COL5A1: variants seen among roughly 807,000 people sequenced by gnomAD.
COL5A1 encodes collagen alpha-1(V) chain.
COL5A1 carries 16 observed loss-of-function variants against 263.7 expected under a neutral mutation model. The observed-to-expected ratio is 0.06, with a 90% CI of 0.04 to 0.09. The LOEUF (loss-of-function observed/expected upper bound fraction) is 0.09. Among genes scored for constraint, COL5A1 ranks in the 10% least tolerant of loss-of-function variants. The pLI is 1.00. For missense variants in COL5A1, 2,036 were observed against 2,540.5 expected, an observed-to-expected ratio of 0.80 and a Z score of 4.27; for synonymous variants, 1,012 against 1,004.5, an observed-to-expected ratio of 1.01 and a Z score of -0.14.
At chr9:134,838,681 C>A (rs780553530) in intron 65 of COL5A1, among the ~76,000 whole-genome samples, 4 of 152,180 alleles carry the variant, frequency 2.6e-5, no homozygotes, top group Admixed American at 6.5e-5. Flanking sequence ...ACGGGGATAC[C>A]CAGACTGCAC....
rs189006287 is a variant in COL5A1, at chr9:134,766,218, C to T, written c.2089-236C>T. On this transcript the variant is annotated intron_variant, in intron 21 of 65. Transcript: ENST00000371817. ...GTTTTCTAGAACCTGAGGCCTGCCC[C>T]GTGGAATGCTAGGGCCTGGCAGTTC... 2.8e-3 allele frequency among the ~76,000 whole-genome samples: 425 copies of T among 152,246 alleles called. 4 individuals are homozygous for T. Among genetic ancestry groups the T allele is most frequent in the African/African-American group, 9.5e-3 (394 of 41,536 alleles).
At chr9:134,805,659 A>ACCCACCCATCCATATGCCAGCCC (rs1838269707) in intron 41 of COL5A1, among the ~76,000 whole-genome samples, 1 of 152,124 alleles carries the variant, frequency 6.6e-6, no homozygotes, top group Admixed American at 6.5e-5. Context: ...TAGGCCAGGT[A>ACCCACCCATCCATATGCCAGCCC]CCCACCCATC....
chr9:134,782,847 T>G (rs1336590839), intron 29 of COL5A1, 127 bp downstream of exon 29: 2 of 949,568 alleles, frequency 2.1e-6, no homozygotes, highest in Admixed American at 1.8e-5. Context: ...TGGTAGAGAT[T>G]CCTGGTGGGA....
chr9:134,817,949 CA>C lies in COL5A1; in HGVS notation c.4230+119del, dbSNP rs1393900672. 3 of 1,065,976 alleles carry C rather than the reference CA, an allele frequency of 2.8e-6. No homozygotes were observed. In the East Asian group the frequency reaches 7.8e-5, roughly 28 times the overall value. The allele number at this position is 1,065,976 out of a possible 1,614,324, so 66.0% of individuals were successfully genotyped here. ...CCATGGAGGCTGAGAGTGGCTGCCC[CA>C]GGGGCACCTGGCTCATGGCCTACCT... On this transcript the variant is annotated intron_variant, in intron 54 of 65. Coordinates refer to ENST00000371817, the MANE Select transcript of COL5A1 (RefSeq NM_000093.5).
chr9:134,665,281 G>A (rs1832322737), intron 1 of COL5A1, among the ~76,000 whole-genome samples: 1 of 152,218 alleles, frequency 6.6e-6, no homozygotes, highest in Admixed American at 6.5e-5. Flanking sequence ...GCAGATATAC[G>A]TGTGTGTGGA....
chr9:134,736,502 C>T (rs986732175), intron 9 of COL5A1, among the ~76,000 whole-genome samples: 1 of 152,238 alleles, frequency 6.6e-6, no homozygotes, highest in African/African-American at 2.4e-5. Context: ...ACCTAATCAC[C>T]TCCTGAAGAT....
At chr9:134,675,036 A>G (rs1191490815) in intron 1 of COL5A1, among the ~76,000 whole-genome samples, 1 of 152,248 alleles carries the variant, frequency 6.6e-6, no homozygotes, top group Non-Finnish European at 1.5e-5. Context: ...ATATTAATGT[A>G]ACATTAAGGC....
chr9:134,752,605 C>A lies in COL5A1; in HGVS notation c.1679C>A (p.Pro560Gln), dbSNP rs1274858842. ...LQQARLALRG[P>Q]AGPMGLTGRP... is the part of the protein sequence containing the mutation. Reference sequence around the variant, plus strand: ...CCTTTGCAGTTGGCACTGAGGGGACCAGCTGGCCCGATGGGTCTCACAGGG... The same window carrying A: ...CCTTTGCAGTTGGCACTGAGGGGACAAGCTGGCCCGATGGGTCTCACAGGG... Residue 560 changes from proline to glutamine, a missense_variant, in exon 14 of 66, where the codon CCA becomes CAA. By Grantham distance (76) the Pro-to-Gln change is moderately conservative. Transcript: ENST00000371817. The A allele has an allele frequency of 6.2e-7, 1 of 1,613,504 alleles. No homozygotes were observed. The highest frequency in any genetic ancestry group is 8.5e-7 in the Non-Finnish European group (1 of 1,179,744).
At chr9:134,732,910 T>C (rs3128607) in intron 9 of COL5A1, among the ~76,000 whole-genome samples, 67,674 of 151,824 alleles carry the variant, frequency 0.45, 16,211 homozygotes, top group South Asian at 0.62. Flanking sequence ...AAGGTCTTGA[T>C]GCCCCGCCCC....
intron 49 of COL5A1, 97 bp from the exon 50 acceptor site, chr9:134,814,700 C>A: frequency 1.1e-6 from 1 of 916,772 alleles, no homozygotes; most frequent in Non-Finnish European, 1.8e-6. Flanking sequence ...CTTGGAAAGG[C>A]TGGTCTGAAT....
At chr9:134,781,012 G>A (rs149834266) in intron 28 of COL5A1, among the ~76,000 whole-genome samples, 7 of 152,360 alleles carry the variant, frequency 4.6e-5, no homozygotes, top group East Asian at 3.9e-4. Flanking sequence ...TGGCCACGGC[G>A]GCCTGCGGGG....
chr9:134,706,610 A>G (rs1833845739), intron 4 of COL5A1, among the ~76,000 whole-genome samples: 1 of 152,184 alleles, frequency 6.6e-6, no homozygotes, highest in South Asian at 2.1e-4. Context: ...GCCTAAGGTC[A>G]CTCAGCAACA....
intron 1 of COL5A1, among the ~76,000 whole-genome samples, chr9:134,645,532 G>C (rs910937959): frequency 6.6e-6 from 1 of 152,234 alleles, no homozygotes; most frequent in Non-Finnish European, 1.5e-5. Context: ...GCTCGGTCAC[G>C]TGACGTGGCT....
chr9:134,695,501 G>A (rs1027165788), intron 2 of COL5A1, among the ~76,000 whole-genome samples: 1 of 152,234 alleles, frequency 6.6e-6, no homozygotes, highest in African/African-American at 2.4e-5. Context: ...GGGGCAGGCT[G>A]ACGTGAGGGG....
Position 134,842,199 on chromosome 9 carries a change from C to T in COL5A1, c.5413C>T (p.Pro1805Ser), listed in dbSNP as rs554332661. The change falls in exon 66 of 66, where the codon CCC (proline) becomes TCC (serine). Residue 1805 changes from proline (P) to serine (S), a missense_variant. Transcript: ENST00000371817. The surrounding 1 kb of genome is among the most constrained non-coding windows in gnomAD (Gnocchi z 5.8). ...GAAGACGGTTCTGGAGATCGACACCCCCAAAGTGGAGCAGGTGCCCATCGT... is the reference window on the plus strand; with the variant it reads ...GAAGACGGTTCTGGAGATCGACACCTCCAAAGTGGAGCAGGTGCCCATCGT... ...YQKTVLEIDT[P>S]KVEQVPIVDI... 4.3e-6 allele frequency: 7 copies of T among 1,614,172 alleles called. No homozygotes were observed. The highest frequency in any genetic ancestry group is 4.0e-5 in the African/African-American group (3 of 75,042).
At chr9:134,781,120 G>A (rs1837235185) in intron 28 of COL5A1, among the ~76,000 whole-genome samples, 1 of 152,216 alleles carries the variant, frequency 6.6e-6, no homozygotes, top group African/African-American at 2.4e-5. Flanking sequence ...GAAATCTGCC[G>A]GCCTTAAAGC....
In COL5A1 at chr9:134,796,907, T is replaced by C; in HGVS notation, c.2898+6T>C. On this transcript the variant is annotated splice_donor_region_variant and intron_variant, in intron 36 of 65. Coordinates refer to ENST00000371817, the MANE Select transcript of COL5A1 (RefSeq NM_000093.5). ...CTGGACCAAAGGGCCCCCCTGTAAG[T>C]AATGGCTTCCTTGCTGGGCCAGCAC... The C allele has an allele frequency of 6.2e-7, 1 of 1,613,488 alleles. No individual in the cohort carries two copies. The highest frequency in any genetic ancestry group is 1.1e-5 in the South Asian group (1 of 91,050).
At chr9:134,655,837 AG>A (rs1831953232) in intron 1 of COL5A1, among the ~76,000 whole-genome samples, 1 of 152,110 alleles carries the variant, frequency 6.6e-6, no homozygotes, top group Non-Finnish European at 1.5e-5. Context: ...GGCTTGTCAG[AG>A]CCTCTGGCAC....
At chr9:134,836,341 G>A (rs981728905) in intron 65 of COL5A1, among the ~76,000 whole-genome samples, 3 of 152,138 alleles carry the variant, frequency 2.0e-5, no homozygotes, top group Admixed American at 6.5e-5. Context: ...AGCTCTCATG[G>A]GAACTAGTAG....
Sources: allele counts gnomAD v4.1 joint callset (sites outside exome capture counted in the v4.1 genomes callset), GRCh38; gene constraint gnomAD v4.1.1; non-coding constraint Gnocchi (gnomAD v3.1); transcripts MANE v1.5; gene names NCBI Gene and HGNC (gene_info 2026-07-23, HGNC 2026-07-21).